Variants in PPM1E observed in about 807,000 individuals in gnomAD.
PPM1E encodes protein phosphatase 1E.
Under a neutral mutation model 65.9 loss-of-function variants are expected in PPM1E, and 20 were observed. That is an observed-to-expected ratio of 0.30 (90% CI 0.21 to 0.44). The LOEUF (loss-of-function observed/expected upper bound fraction) is 0.44. Among genes scored for constraint, PPM1E ranks in the 20% least tolerant of loss-of-function variants. PPM1E has a pLI of 1.00. For missense variants in PPM1E, 713 were observed against 953.1 expected (o/e 0.75, Z 3.32); for synonymous variants, 352 against 374.9 (o/e 0.94, Z 0.70).
chr17:58,974,557 T>C (rs1020590163), intron 6 of PPM1E, among the ~76,000 whole-genome samples: 1 of 152,212 alleles, frequency 6.6e-6, no homozygotes, highest in African/African-American at 2.4e-5. Context: ...TTTATTATTT[T>C]AGGCTTCATG....
At position 58,984,989 on chromosome 17, in the gene PPM1E, G is replaced by A. The variant is rs2031663184; in HGVS notation, c.*3958G>A. ...TTCTCTGCAAAGAATTCTCTATGGA[G>A]TGAAGCGAATGAAGTGAATAATTTC... On this transcript the variant is annotated 3_prime_UTR_variant, in exon 7 of 7. Transcript: ENST00000308249. 1 of 152,612 alleles carries A rather than the reference G, an allele frequency of 6.6e-6. No individual in the cohort carries two copies. The highest frequency in any genetic ancestry group is 2.1e-4 in the South Asian group (1 of 4,834). The allele number at this position is 152,612 out of a possible 1,614,324, so 9.5% of individuals were successfully genotyped here.
At chr17:58,765,335 G>A (rs928260847) in intron 1 of PPM1E, among the ~76,000 whole-genome samples, 3 of 151,742 alleles carry the variant, frequency 2.0e-5, no homozygotes, top group African/African-American at 7.3e-5. Flanking sequence ...GCATCACCAT[G>A]CCCAGCTAAT....
intron 1 of PPM1E, among the ~76,000 whole-genome samples, chr17:58,764,372 T>G (rs1417763986): frequency 1.3e-5 from 2 of 152,142 alleles, no homozygotes; most frequent in Admixed American, 6.6e-5. Flanking sequence ...ATATAACATT[T>G]CATATTAAAT....
intron 2 of PPM1E, among the ~76,000 whole-genome samples, chr17:58,961,982 C>G (rs2030043858): frequency 6.6e-6 from 1 of 151,978 alleles, no homozygotes; most frequent in South Asian, 2.1e-4. Context: ...CTGCACCCTA[C>G]TGATTAATTT....
At chr17:58,904,340 A>G (rs894020049) in intron 1 of PPM1E, among the ~76,000 whole-genome samples, 2 of 152,330 alleles carry the variant, frequency 1.3e-5, no homozygotes, top group African/African-American at 4.8e-5. Context: ...TTCTTAATGT[A>G]TAAGTGATCA....
intron 1 of PPM1E, among the ~76,000 whole-genome samples, chr17:58,939,575 A>C (rs2052035422): frequency 6.6e-6 from 1 of 152,234 alleles, no homozygotes; most frequent in Non-Finnish European, 1.5e-5. Context: ...ATGAACATAA[A>C]TAGCCTTAAT....
intron 1 of PPM1E, chr17:58,951,346 C>G (rs1465965312): frequency 6.6e-6 from 1 of 152,188 alleles, no homozygotes. Context: ...AGAGAACCAT[C>G]AGGTTGCTTA....
At chr17:58,786,156 G>A (rs1306047837) in intron 1 of PPM1E, among the ~76,000 whole-genome samples, 3 of 151,464 alleles carry the variant, frequency 2.0e-5, no homozygotes, top group Non-Finnish European at 4.4e-5. Flanking sequence ...CTGGGACTAC[G>A]GGCACCTGCC....
chr17:58,895,799 G>C (rs2051405618), intron 1 of PPM1E, among the ~76,000 whole-genome samples: 1 of 151,808 alleles, frequency 6.6e-6, no homozygotes, highest in Admixed American at 6.6e-5. Flanking sequence ...GACAGAGCGA[G>C]ACCGTGTCTC....
intron 1 of PPM1E, among the ~76,000 whole-genome samples, chr17:58,851,389 G>C (rs996108740): frequency 2.6e-5 from 4 of 152,154 alleles, no homozygotes; most frequent in Non-Finnish European, 5.9e-5. Context: ...TTTCTGCTCT[G>C]GTTTGTCCCC....
intron 1 of PPM1E, among the ~76,000 whole-genome samples, chr17:58,806,739 G>A (rs1182871876): frequency 7.9e-6 from 1 of 126,690 alleles, no homozygotes; most frequent in Admixed American, 9.7e-5. Context: ...TCCCTCTATT[G>A]CCCAGGTTGG....
At chr17:58,897,109 G>T (rs1223201194) in intron 1 of PPM1E, among the ~76,000 whole-genome samples, 1 of 152,092 alleles carries the variant, frequency 6.6e-6, no homozygotes, top group African/African-American at 2.4e-5. Flanking sequence ...CAGAAAAAAA[G>T]ATTCCTTTGA....
At chr17:58,812,405 T>A (rs1371760686) in intron 1 of PPM1E, among the ~76,000 whole-genome samples, 1 of 151,908 alleles carries the variant, frequency 6.6e-6, no homozygotes, top group Non-Finnish European at 1.5e-5. Context: ...TTGATAGTAG[T>A]TCTGTCATAA....
intron 1 of PPM1E, among the ~76,000 whole-genome samples, chr17:58,777,642 C>G (rs1363678072): frequency 6.6e-6 from 1 of 152,058 alleles, no homozygotes; most frequent in Admixed American, 6.6e-5. Flanking sequence ...GAACAAGTAC[C>G]TATAAGTATA....
chr17:58,805,753 G>T (rs569430841), intron 1 of PPM1E, among the ~76,000 whole-genome samples: 9 of 151,664 alleles, frequency 5.9e-5, no homozygotes, highest in Admixed American at 1.3e-4. Flanking sequence ...ACAATGTGCG[G>T]TTTCATTTTC....
At chr17:58,874,409 A>C (rs2051106820) in intron 1 of PPM1E, among the ~76,000 whole-genome samples, 1 of 152,200 alleles carries the variant, frequency 6.6e-6, no homozygotes, top group South Asian at 2.1e-4. Context: ...TGAAGAACAA[A>C]TAAAAATGAT....
chr17:58,923,299 A>G (rs1036299933), intron 1 of PPM1E, among the ~76,000 whole-genome samples: 88 of 150,296 alleles, frequency 5.9e-4, no homozygotes, highest in African/African-American at 1.7e-3. Flanking sequence ...AAAAAAAAAA[A>G]AAAGAAAGAA....
At chr17:58,798,773 AC>A (rs1193041750) in intron 1 of PPM1E, among the ~76,000 whole-genome samples, 1 of 151,252 alleles carries the variant, frequency 6.6e-6, no homozygotes, top group Non-Finnish European at 1.5e-5. Flanking sequence ...GGCTCACTGC[AC>A]CCTCTGCCTC....
At chr17:58,812,495 T>C (rs1598586450) in intron 1 of PPM1E, among the ~76,000 whole-genome samples, 1 of 152,150 alleles carries the variant, frequency 6.6e-6, no homozygotes, top group South Asian at 2.1e-4. Flanking sequence ...CTAGAAGTAT[T>C]TACTTTCTTA....
Sources: allele counts gnomAD v4.1 joint callset (sites outside exome capture counted in the v4.1 genomes callset), GRCh38; gene constraint gnomAD v4.1.1; transcripts MANE v1.5; gene names NCBI Gene and HGNC (gene_info 2026-07-23, HGNC 2026-07-21).